Variants in SSBP2 observed in about 807,000 individuals in gnomAD.
SSBP2 encodes the protein single-stranded DNA-binding protein 2.
SSBP2 carries 17 observed loss-of-function variants against 61.8 expected under a neutral mutation model. The ratio of observed to expected loss-of-function variants is 0.28; its 90% CI spans 0.19 to 0.41. The LOEUF (loss-of-function observed/expected upper bound fraction) is 0.41. Ranked by LOEUF, SSBP2 falls within the 10% of genes least tolerant of loss-of-function variation. The probability of loss-of-function intolerance (pLI) is 1.00; values close to 1 mark genes in which losing one functional copy is unlikely to be tolerated. For missense variants in SSBP2, 310 were observed against 458.7 expected, an observed-to-expected ratio of 0.68 and a Z score of 2.96; for synonymous variants, 139 against 141.3, an observed-to-expected ratio of 0.98 and a Z score of 0.12.
intron 1 of SSBP2, among the ~76,000 whole-genome samples, chr5:81,663,425 G>GA (rs558792479): frequency 6.6e-6 from 1 of 152,142 alleles, no homozygotes; most frequent in Admixed American, 6.5e-5. Flanking sequence ...TTGTATCACA[G>GA]AAAAGATTTT....
chr5:81,611,843 TTCTTCATGGATTTCAGAAA>T (rs981406529), intron 4 of SSBP2, among the ~76,000 whole-genome samples: 49 of 152,246 alleles, frequency 3.2e-4, no homozygotes, highest in African/African-American at 1.1e-3. Flanking sequence ...CTTCATTTAT[TTCTTCATGGATTTCAGAAA>T]TCCATATCTA....
intron 1 of SSBP2, among the ~76,000 whole-genome samples, chr5:81,682,920 C>A (rs1034319822): frequency 6.6e-6 from 1 of 152,020 alleles, no homozygotes; most frequent in Non-Finnish European, 1.5e-5. Flanking sequence ...TACATTAGCA[C>A]CCTAGAAATG....
intron 1 of SSBP2, among the ~76,000 whole-genome samples, chr5:81,682,263 T>C (rs576988660): frequency 6.6e-6 from 1 of 152,210 alleles, no homozygotes. Context: ...GACAGACCAA[T>C]ATCTCTCATG....
chr5:81,414,877 G>A lies in SSBP2; in HGVS notation c.*5627C>T, dbSNP rs1761247100. ...ATTATTGGTTGTGCTATAAAATAAT[G>A]TGAATCACAGTGGGAGTGTTTTGTG... On this transcript the variant is annotated 3_prime_UTR_variant, in exon 17 of 17. Coordinates refer to ENST00000320672, the MANE Select transcript of SSBP2 (RefSeq NM_012446.5). 6.6e-6 allele frequency: 1 copy of A among 152,122 alleles called. No homozygotes were observed. The highest frequency in any genetic ancestry group is 2.1e-4 in the South Asian group (1 of 4,820). 9.4% of individuals were successfully genotyped at this position (152,122 alleles called of 1,614,324 possible). A position where few individuals can be genotyped will look rare whatever the true frequency, so the allele number is the denominator to read the frequency against.
intron 1 of SSBP2, among the ~76,000 whole-genome samples, chr5:81,661,886 T>C (rs1750728042): frequency 1.3e-5 from 2 of 152,214 alleles, no homozygotes; most frequent in Admixed American, 1.3e-4. Context: ...GGCTATGCTT[T>C]TGAGGTCATA....
intron 4 of SSBP2, among the ~76,000 whole-genome samples, chr5:81,582,156 T>G (rs1393780596): frequency 6.6e-6 from 1 of 152,174 alleles, no homozygotes; most frequent in East Asian, 1.9e-4. Flanking sequence ...ATAAAAGCAT[T>G]CATCTTTGTT....
intron 4 of SSBP2, among the ~76,000 whole-genome samples, chr5:81,520,734 A>G (rs1029878181): frequency 3.3e-5 from 5 of 152,014 alleles, no homozygotes; most frequent in African/African-American, 7.2e-5. Flanking sequence ...TATTGGTTTA[A>G]TATCTTCATA....
chr5:81,751,081 C>T lies in SSBP2; in HGVS notation c.-39G>A, dbSNP rs773764522. 6.4e-7 allele frequency: 1 copy of T among 1,560,750 alleles called. No individual in the cohort carries two copies. The highest frequency in any genetic ancestry group is 8.7e-7 in the Non-Finnish European group (1 of 1,151,576). On this transcript the variant is annotated 5_prime_UTR_variant, in exon 1 of 17. It removes the in-frame stop codon of an upstream open reading frame in the 5' UTR. Transcript: ENST00000320672. ...GCAGCTCCCACTGTCACGCACCTGT[C>T]AACCCATCACAGCCTCCCCGGGAAC...
At position 81,544,211 on chromosome 5, in the gene SSBP2, G is replaced by T. The variant is rs1204269233; in HGVS notation, c.283-30494C>A. ...ACTACAGGCGATGCCACCACGCCCG[G>T]CTAATTTTTGTATTTTTAGTAGAGA... On this transcript the variant is annotated intron_variant, in intron 4 of 16. Transcript: ENST00000320672. Among the ~76,000 whole-genome samples, 6 of 152,212 alleles carry T rather than the reference G, an allele frequency of 3.9e-5. No homozygotes were observed. In the South Asian group the frequency reaches 1.0e-3, roughly 26 times the overall value.
chr5:81,738,465 A>G (rs1022834738), intron 1 of SSBP2, among the ~76,000 whole-genome samples: 8 of 152,124 alleles, frequency 5.3e-5, no homozygotes, highest in Non-Finnish European at 8.8e-5. Flanking sequence ...TCCAGCCTAG[A>G]CTTCTTCCAG....
At chr5:81,535,086 C>A (rs921553830) in intron 4 of SSBP2, among the ~76,000 whole-genome samples, 10 of 151,906 alleles carry the variant, frequency 6.6e-5, no homozygotes, top group Non-Finnish European at 1.2e-4. Context: ...TGTCAGGATA[C>A]AAGGTTGATA....
intron 1 of SSBP2, among the ~76,000 whole-genome samples, chr5:81,726,758 G>T (rs767587473): frequency 9.9e-5 from 15 of 152,114 alleles, no homozygotes; most frequent in Non-Finnish European, 2.2e-4. Context: ...CTTCTAAGCA[G>T]TTTCTCCAAA....
At chr5:81,461,578 C>T (rs1326672301) in intron 9 of SSBP2, among the ~76,000 whole-genome samples, 1 of 139,930 alleles carries the variant, frequency 7.1e-6, no homozygotes, top group South Asian at 2.2e-4. Flanking sequence ...TAAAAGGTAT[C>T]TAAAGTTGCC....
chr5:81,624,654 C>T (rs926392618), intron 3 of SSBP2, among the ~76,000 whole-genome samples: 7 of 152,052 alleles, frequency 4.6e-5, no homozygotes, highest in African/African-American at 9.7e-5. Context: ...TTGGCCATAT[C>T]ATGACATCAA....
chr5:81,739,546 C>T (rs1020856903), intron 1 of SSBP2, among the ~76,000 whole-genome samples: 2 of 152,132 alleles, frequency 1.3e-5, no homozygotes, highest in African/African-American at 4.8e-5. Context: ...GATAGTGAGG[C>T]CCCTCTGAAT....
intron 3 of SSBP2, among the ~76,000 whole-genome samples, chr5:81,629,975 A>C (rs996302059): frequency 6.6e-6 from 1 of 152,192 alleles, no homozygotes; most frequent in Non-Finnish European, 1.5e-5. Context: ...CCTGCTATTT[A>C]TTCCCTTGAG....
At chr5:81,527,749 A>G (rs1770061257) in intron 4 of SSBP2, among the ~76,000 whole-genome samples, 1 of 151,746 alleles carries the variant, frequency 6.6e-6, no homozygotes, top group Non-Finnish European at 1.5e-5. Context: ...GGTGGGGGAC[A>G]AGGGGAGGAA....
chr5:81,652,442 A>C (rs1183381393), intron 1 of SSBP2, among the ~76,000 whole-genome samples: 1 of 152,166 alleles, frequency 6.6e-6, no homozygotes, highest in African/African-American at 2.4e-5. Context: ...AACTGAGAAT[A>C]ACAGGGGGTA....
chr5:81,676,749 A>G (rs1392332152), intron 1 of SSBP2, among the ~76,000 whole-genome samples: 1 of 152,152 alleles, frequency 6.6e-6, no homozygotes, highest in African/African-American at 2.4e-5. Flanking sequence ...ACGCAAATAA[A>G]TAATTATGAC....
Sources: gnomAD v4.1 joint callset for allele counts (sites outside exome capture counted in the v4.1 genomes callset) on GRCh38, gnomAD v4.1.1 for gene constraint, MANE v1.5 for transcripts, NCBI Gene and HGNC (gene_info 2026-07-23, HGNC 2026-07-21) for gene names.